CHID1: variants seen among roughly 807,000 people sequenced by gnomAD.
CHID1 encodes the protein chitinase domain-containing protein 1.
Under a neutral mutation model 55.4 loss-of-function variants are expected in CHID1, and 44 were observed. The observed-to-expected ratio is 0.79, with a 90% CI of 0.62 to 1.02. CHID1 has a LOEUF of 1.02. CHID1 is among the 50% of genes least tolerant of loss of function. The probability of loss-of-function intolerance (pLI) is 0.00; values close to 1 mark genes in which losing one functional copy is unlikely to be tolerated. For synonymous variants in CHID1, 216 were observed against 212.9 expected (o/e 1.01, Z -0.13); for missense variants, 491 against 515.3 (o/e 0.95, Z 0.46).
intron 9 of CHID1, 80 bp from the exon 10 acceptor site, chr11:883,383 G>A: frequency 7.1e-7 from 1 of 1,405,272 alleles, no homozygotes; most frequent in Middle Eastern, 2.0e-4. Flanking sequence ...TCCACTGAGG[G>A]GTGCATCCTC....
chr11:904,674 A>ACAGT, intron 2 of CHID1, 32 bp downstream of exon 2: 1 of 1,613,172 alleles, frequency 6.2e-7, no homozygotes, highest in Non-Finnish European at 8.5e-7. Flanking sequence ...CTCAGCCAGT[A>ACAGT]CAGTCACCTC....
intron 10 of CHID1, among the ~76,000 whole-genome samples, chr11:878,363 G>T (rs1455622316): frequency 6.6e-6 from 1 of 151,864 alleles, no homozygotes; most frequent in East Asian, 1.9e-4. Context: ...GCAGTGAGCT[G>T]AGATCACACC....
chr11:892,050 G>A (rs1850873673), intron 8 of CHID1, among the ~76,000 whole-genome samples: 1 of 152,112 alleles, frequency 6.6e-6, no homozygotes, highest in Admixed American at 6.5e-5. Flanking sequence ...GGGAGGCAGA[G>A]GTTGCAGTGA....
chr11:911,850 G>T (rs1848504190), upstream of CHID1, among the ~76,000 whole-genome samples: 1 of 152,166 alleles, frequency 6.6e-6, no homozygotes, highest in Non-Finnish European at 1.5e-5. Context: ...TGACCTTTGG[G>T]GGTGAAGACC....
intron 8 of CHID1, among the ~76,000 whole-genome samples, chr11:886,609 G>C (rs1007320889): frequency 2.0e-5 from 3 of 152,216 alleles, no homozygotes; most frequent in African/African-American, 7.2e-5. Context: ...GGTGGAGTTA[G>C]TGTCCCTATG....
chr11:887,158 A>T (rs997355650), intron 8 of CHID1, among the ~76,000 whole-genome samples: 3 of 151,992 alleles, frequency 2.0e-5, no homozygotes, highest in Non-Finnish European at 2.9e-5. Context: ...CAGCCTCCCG[A>T]GTAGCTGGGA....
At chr11:905,305 G>A (rs1157322506) in intron 1 of CHID1, among the ~76,000 whole-genome samples, 4 of 152,246 alleles carry the variant, frequency 2.6e-5, no homozygotes, top group Admixed American at 1.3e-4. Context: ...TTGGGAGACC[G>A]AGGTGGGAAG....
upstream of CHID1, among the ~76,000 whole-genome samples, chr11:913,148 C>CA (rs1852787615): frequency 6.7e-6 from 1 of 150,042 alleles, no homozygotes; most frequent in Non-Finnish European, 1.5e-5. Flanking sequence ...ATTGCCCCCC[C>CA]CCGCAAAAAA....
At chr11:878,456 C>T (rs1214015033) in intron 10 of CHID1, among the ~76,000 whole-genome samples, 3 of 151,752 alleles carry the variant, frequency 2.0e-5, no homozygotes, top group Admixed American at 6.6e-5. Flanking sequence ...ATTCGAGCTA[C>T]TCGGGAGGCT....
In CHID1 at chr11:880,178, G is replaced by A. The variant is rs115312997; in HGVS notation, c.959+2970C>T. 2.1e-3 allele frequency among the ~76,000 whole-genome samples: 315 copies of A among 152,360 alleles called. 2 individuals carry two copies. The highest frequency in any genetic ancestry group is 7.1e-3 in the African/African-American group (296 of 41,580). On this transcript the variant is annotated intron_variant, in intron 10 of 12. Coordinates refer to ENST00000323578, the MANE Select transcript of CHID1 (RefSeq NM_023947.4). ...CCAGGGGCCCTGGGGCATCGCCCTC[G>A]CCTGTGCGGAGCCCCGCGTGTCTCA... is the stretch of plus-strand genomic sequence containing the variant.
At chr11:894,246 C>T (rs1381420780) in intron 7 of CHID1, among the ~76,000 whole-genome samples, 1 of 151,994 alleles carries the variant, frequency 6.6e-6, no homozygotes, top group Non-Finnish European at 1.5e-5. Flanking sequence ...CCTGGTGTAG[C>T]TCAGGGAAGG....
At chr11:886,532 T>C (rs1850410159) in intron 8 of CHID1, among the ~76,000 whole-genome samples, 1 of 152,136 alleles carries the variant, frequency 6.6e-6, no homozygotes, top group Non-Finnish European at 1.5e-5. Flanking sequence ...ACTGATGCGA[T>C]GGTTTCTGGA....
rs376597827 is a variant in CHID1, at chr11:884,117, C to A, written c.754G>T (p.Val252Leu). The A allele has an allele frequency of 2.5e-6, 4 of 1,614,126 alleles. No individual in the cohort carries two copies. Among genetic ancestry groups the A allele is most frequent in the Non-Finnish European group, 3.4e-6 (4 of 1,180,008 alleles). The change falls in exon 9 of 13, where the codon GTG becomes TTG. Residue 252 changes from valine (V) to leucine (L), a missense_variant. Val to Leu is a conservative substitution (Grantham distance 32, BLOSUM62 1). Coordinates refer to ENST00000323578, the MANE Select transcript of CHID1 (RefSeq NM_023947.4). ...GTCATGAGGCTGAAACCATCCAGCA[C>A]GGGGGCCAGCTGCTCAAACTCCTTG... ...THKEFEQLAP[V>L]LDGFSLMTYD... is the part of the protein sequence containing the mutation.
chr11:900,957 G>A lies in CHID1; in HGVS notation c.418C>T (p.His140Tyr). ...TTACCTATGTGCAGGCCCTTGGCAT[G>A]CTTCCTGACAGCTCGCATCCACCCT... The part of the protein sequence containing the change: ...DQGWMRAVRK[H>Y]AKGLHIVPRL... The change falls in exon 5 of 13, where the codon CAT (histidine) becomes TAT (tyrosine). Residue 140 changes from histidine (H) to tyrosine (Y), a missense_variant. Coordinates refer to ENST00000323578, the MANE Select transcript of CHID1 (RefSeq NM_023947.4). The A allele has an allele frequency of 1.2e-6, 2 of 1,602,390 alleles. No homozygotes were observed. Among genetic ancestry groups the A allele is most frequent in the Non-Finnish European group, 1.7e-6 (2 of 1,175,160 alleles).
At chr11:900,564 A>AG (rs1442139764) in intron 5 of CHID1, among the ~76,000 whole-genome samples, 2 of 152,116 alleles carry the variant, frequency 1.3e-5, no homozygotes, top group African/African-American at 2.4e-5. Flanking sequence ...CGTGAGCTAC[A>AG]GGGGCACAGA....
In CHID1 at chr11:883,293, T is replaced by G. The variant is rs1038103160; in HGVS notation, c.814A>C (p.Asn272His). ...GCTCGAACCCAGGACAGGGGTGCAT[T>G]AGGGCCAGGCCTGCAGGGCAAGGGG... ...DYSTAHQPGP[N>H]APLSWVRACV... The change falls in exon 10 of 13, where the codon AAT (asparagine) becomes CAT (histidine). Residue 272 changes from asparagine (N) to histidine (H), a missense_variant. Coordinates refer to ENST00000323578, the MANE Select transcript of CHID1 (RefSeq NM_023947.4). The G allele has an allele frequency of 1.2e-6, 2 of 1,612,926 alleles. No homozygotes were observed. Among genetic ancestry groups the G allele is most frequent in the African/African-American group, 1.3e-5 (1 of 75,036 alleles).
chr11:902,071 C>T, intron 4 of CHID1, 127 bp downstream of exon 4: 1 of 958,016 alleles, frequency 1.0e-6, no homozygotes, highest in Non-Finnish European at 1.6e-6. Flanking sequence ...CACGCAGAGA[C>T]ACACACACAC....
rs1361976243 is a variant in CHID1 at position 910,772 on chromosome 11, C to G, written c.-44+3G>C. The G allele has an allele frequency of 4.4e-6, 5 of 1,148,348 alleles. No individual in the cohort carries two copies. Among genetic ancestry groups the G allele is most frequent in the Admixed American group, 4.5e-5 (1 of 22,308 alleles). The allele number at this position is 1,148,348 out of a possible 1,614,324, so 71.1% of individuals were successfully genotyped here. A position where few individuals can be genotyped will look rare whatever the true frequency, so the allele number is the denominator to read the frequency against. On this transcript the variant is annotated splice_donor_region_variant and intron_variant, in intron 1 of 12. Transcript: ENST00000323578. Reference sequence around the variant, plus strand: ...AGCAGGGGCCGGCCGCCGCGGGGCTCACCTGCATGTCAGGGAGGCCGGACG... The same window carrying G: ...AGCAGGGGCCGGCCGCCGCGGGGCTGACCTGCATGTCAGGGAGGCCGGACG...
chr11:883,408 G>C (rs1850153046), intron 9 of CHID1, 105 bp from the exon 10 acceptor site: 4 of 1,176,206 alleles, frequency 3.4e-6, no homozygotes, highest in African/African-American at 1.5e-5. Flanking sequence ...TGCTGCGGCT[G>C]ACACCTCTAG....
Sources: allele counts gnomAD v4.1 joint callset (sites outside exome capture counted in the v4.1 genomes callset), GRCh38; gene constraint gnomAD v4.1.1; transcripts MANE v1.5; gene names NCBI Gene and HGNC (gene_info 2026-07-23, HGNC 2026-07-21).